NAV2: variants seen among roughly 807,000 people sequenced by gnomAD.
NAV2 encodes helicase, APC down-regulated 1.
NAV2 carries 54 observed loss-of-function variants against 223.2 expected under a neutral mutation model. The ratio of observed to expected loss-of-function variants is 0.24; its 90% confidence interval spans 0.19 to 0.30. The LOEUF (loss-of-function observed/expected upper bound fraction) is 0.30, where lower values mean the gene tolerates loss of function less well. Ranked by LOEUF, NAV2 falls within the 10% of genes least tolerant of loss-of-function variation. The pLI is 1.00. For missense variants in NAV2, 2,806 were observed against 3,147.5 expected, an observed-to-expected ratio of 0.89 and a Z score of 2.60; for synonymous variants, 1,279 against 1,239.3, an observed-to-expected ratio of 1.03 and a Z score of -0.67.
chr11:19,530,044 A>G (rs1362381440), intron 1 of NAV2, among the ~76,000 whole-genome samples: 4 of 152,210 alleles, frequency 2.6e-5, no homozygotes, highest in Non-Finnish European at 5.9e-5. Flanking sequence ...CGGCCCAACA[A>G]AGCACACTGG....
intron 1 of NAV2, among the ~76,000 whole-genome samples, chr11:19,567,560 G>C (rs2045306652): frequency 6.6e-6 from 1 of 152,046 alleles, no homozygotes; most frequent in Non-Finnish European, 1.5e-5. Context: ...TAGGCTTTCT[G>C]CCTCCCTGGT....
chr11:19,463,796 G>A (rs1443142333), intron 1 of NAV2, among the ~76,000 whole-genome samples: 3 of 152,056 alleles, frequency 2.0e-5, no homozygotes, highest in African/African-American at 4.8e-5. Flanking sequence ...GCACTTGGGG[G>A]AACTGGAAGG....
At chr11:19,648,042 C>T (rs553773854) in intron 1 of NAV2, among the ~76,000 whole-genome samples, 1 of 152,272 alleles carries the variant, frequency 6.6e-6, no homozygotes, top group East Asian at 1.9e-4. Context: ...GCTTGATATG[C>T]TGTGGTATGC....
At chr11:19,580,389 G>C (rs2045682578) in intron 1 of NAV2, among the ~76,000 whole-genome samples, 1 of 151,850 alleles carries the variant, frequency 6.6e-6, no homozygotes, top group Non-Finnish European at 1.5e-5. Flanking sequence ...TGGGGGCTGA[G>C]AAGTCCAAGA....
At chr11:19,657,885 G>A (rs2048171654) in intron 1 of NAV2, among the ~76,000 whole-genome samples, 1 of 152,082 alleles carries the variant, frequency 6.6e-6, no homozygotes, top group Non-Finnish European at 1.5e-5. Flanking sequence ...AGGGACAGAG[G>A]TATGGGGAGA....
chr11:19,428,192 G>A (rs1384611664), intron 1 of NAV2, among the ~76,000 whole-genome samples: 1 of 151,892 alleles, frequency 6.6e-6, no homozygotes, highest in African/African-American at 2.4e-5. Flanking sequence ...TTTTGTTGCT[G>A]TTGTTAAATA....
intron 1 of NAV2, among the ~76,000 whole-genome samples, chr11:19,434,915 T>C (rs1259559981): frequency 2.7e-5 from 4 of 147,998 alleles, no homozygotes; most frequent in African/African-American, 7.5e-5. Context: ...TCTCAAAATA[T>C]GTCTCAACTT....
intron 1 of NAV2, among the ~76,000 whole-genome samples, chr11:19,631,858 A>C (rs2047356639): frequency 6.6e-6 from 1 of 152,236 alleles, no homozygotes; most frequent in Non-Finnish European, 1.5e-5. Context: ...GCTGTCAGAC[A>C]TCTAATTAGC....
Position 20,103,271 on chromosome 11 carries a change from T to C in NAV2, c.6434T>C (p.Leu2145Pro). Reference protein sequence around the residue: ...HKSSKELRQYLSNLADQCNSE... With the variant: ...HKSSKELRQYPSNLADQCNSE... ...CCACCATAGGAATTGCGCCAGTACC[T>C]GTCCAACCTTGCTGACCAGTGCAAC... is the stretch of plus-strand genomic sequence containing the variant. The change falls in exon 33 of 38, where the codon CTG becomes CCG. Residue 2145 changes from leucine (L) to proline (P), a missense_variant. Leu to Pro is a moderately conservative substitution (Grantham distance 98, BLOSUM62 -3). Coordinates refer to ENST00000349880, the MANE Select transcript of NAV2 (RefSeq NM_145117.5). The C allele has an allele frequency of 1.2e-6, 2 of 1,613,724 alleles. No homozygotes were observed. Among genetic ancestry groups the C allele is most frequent in the Non-Finnish European group, 1.7e-6 (2 of 1,179,760 alleles).
chr11:19,486,581 C>T (rs966528822), intron 1 of NAV2, among the ~76,000 whole-genome samples: 4 of 152,180 alleles, frequency 2.6e-5, no homozygotes, highest in South Asian at 2.1e-4. Flanking sequence ...ACTTCTCTCT[C>T]CTGCCACCAT....
chr11:19,399,487 G>T (rs1849596712), intron 1 of NAV2, among the ~76,000 whole-genome samples: 1 of 152,220 alleles, frequency 6.6e-6, no homozygotes, highest in South Asian at 2.1e-4. Context: ...TACAGGCCCA[G>T]TGTAGGTGGA....
At position 19,939,745 on chromosome 11, in the gene NAV2, T is replaced by A; in HGVS notation, c.2118T>A (p.Thr706=). ...TGGAGCCCAGCCACTTCACCAAGAC[T>A]GGACAGCCTGCTCTGGAAGAACTCA... ...VSVEPSHFTK[T]GQPALEELTG... The change falls in exon 8 of 38, where the codon ACT becomes ACA. Residue 706 remains threonine (T), a synonymous_variant. Transcript: ENST00000349880. 1.9e-6 allele frequency: 3 copies of A among 1,614,092 alleles called. No homozygotes were observed. The highest frequency in any genetic ancestry group is 2.5e-6 in the Non-Finnish European group (3 of 1,179,984).
At chr11:19,774,013 T>G (rs575644034) in intron 1 of NAV2, among the ~76,000 whole-genome samples, 1 of 152,328 alleles carries the variant, frequency 6.6e-6, no homozygotes, top group South Asian at 2.1e-4. Flanking sequence ...TAACCCCATG[T>G]GATGTGAACA....
At chr11:19,795,569 A>G (rs550304690) in intron 1 of NAV2, among the ~76,000 whole-genome samples, 1 of 152,364 alleles carries the variant, frequency 6.6e-6, no homozygotes, top group African/African-American at 2.4e-5. Context: ...ATTATACCAT[A>G]AGTAGTTCAT....
intron 8 of NAV2, among the ~76,000 whole-genome samples, chr11:19,941,376 A>G (rs1482442056): frequency 1.3e-5 from 2 of 149,122 alleles, no homozygotes; most frequent in African/African-American, 5.0e-5. Flanking sequence ...TCAGGGTGAC[A>G]TGTCTTTATA....
intron 1 of NAV2, among the ~76,000 whole-genome samples, chr11:19,749,625 C>T (rs151148564): frequency 2.4e-3 from 359 of 152,244 alleles, no homozygotes; most frequent in African/African-American, 8.4e-3. Context: ...GATGGAAATT[C>T]GGTTACGTTA....
At chr11:20,061,186 C>T (rs895337000) in intron 19 of NAV2, among the ~76,000 whole-genome samples, 6 of 152,100 alleles carry the variant, frequency 3.9e-5, no homozygotes, top group Admixed American at 3.3e-4. Context: ...GAGAAGTTAC[C>T]AAGAAAATAA....
intron 1 of NAV2, among the ~76,000 whole-genome samples, chr11:19,551,585 C>G (rs1339202218): frequency 3.9e-5 from 6 of 152,244 alleles, no homozygotes; most frequent in African/African-American, 1.4e-4. Context: ...AACATTGGAA[C>G]TGGCAAAGCT....
intron 10 of NAV2, 43 bp from the exon 11 acceptor site, chr11:19,984,082 T>G: frequency 6.2e-7 from 1 of 1,612,988 alleles, no homozygotes; most frequent in Non-Finnish European, 8.5e-7. Context: ...GGAAGCCACT[T>G]GCTTTGGACA....
Sources: gnomAD v4.1 joint callset for allele counts (sites outside exome capture counted in the v4.1 genomes callset) on GRCh38, gnomAD v4.1.1 for gene constraint, MANE v1.5 for transcripts, NCBI Gene and HGNC (gene_info 2026-07-23, HGNC 2026-07-21) for gene names.